VPS13C: variants seen among roughly 807,000 people sequenced by gnomAD.
VPS13C encodes the protein vacuolar protein sorting 13 homolog C, also known as intermembrane lipid transfer protein VPS13C.
Under a neutral mutation model 456.8 loss-of-function variants are expected in VPS13C, and 358 were observed. The ratio of observed to expected loss-of-function variants is 0.78; its 90% CI spans 0.72 to 0.86. The LOEUF is 0.86. VPS13C is among the 40% of genes least tolerant of loss of function. The probability of loss-of-function intolerance (pLI) is 0.00; values close to 1 mark genes in which losing one functional copy is unlikely to be tolerated. For synonymous variants in VPS13C, 1,578 were observed against 1,486.7 expected (o/e 1.06, Z -1.41); for missense variants, 4,818 against 4,385.4 (o/e 1.10, Z -2.79).
chr15:62,025,572 G>A (rs2047609913), intron 6 of VPS13C, among the ~76,000 whole-genome samples: 1 of 152,058 alleles, frequency 6.6e-6, no homozygotes, highest in South Asian at 2.1e-4. Context: ...CTTCTTACCT[G>A]ACCAATTATC....
intron 64 of VPS13C, among the ~76,000 whole-genome samples, chr15:61,909,348 C>G (rs1279814193): frequency 6.6e-6 from 1 of 152,186 alleles, no homozygotes; most frequent in African/African-American, 2.4e-5. Context: ...GCTGGGATTA[C>G]AGGCATGTGC....
At chr15:62,034,892 TAACTC>T in intron 4 of VPS13C, 60 bp downstream of exon 4, 1 of 1,089,042 alleles carries the variant, frequency 9.2e-7, no homozygotes, top group Non-Finnish European at 1.3e-6. Flanking sequence ...TTAAAATACT[TAACTC>T]AGATAACAAT....
chr15:61,990,331 T>A (rs1482278597), intron 18 of VPS13C, among the ~76,000 whole-genome samples: 1 of 152,158 alleles, frequency 6.6e-6, no homozygotes. Flanking sequence ...TTGATAATAA[T>A]TGCACACCTG....
intron 38 of VPS13C, 67 bp downstream of exon 38, chr15:61,954,354 G>T: frequency 6.6e-7 from 1 of 1,514,686 alleles, no homozygotes; most frequent in Non-Finnish European, 8.9e-7. Flanking sequence ...TGTAAGTTTA[G>T]TAGAGGTAAT....
chr15:62,015,960 CAAAAAAAAAA>C (rs67786303), intron 9 of VPS13C, among the ~76,000 whole-genome samples: 5 of 72,408 alleles, frequency 6.9e-5, no homozygotes, highest in African/African-American at 1.5e-4. Context: ...AAAAGAAGTC[CAAAAAAAAAA>C]AAAAAAAAAA....
intron 5 of VPS13C, among the ~76,000 whole-genome samples, chr15:62,031,283 T>C (rs749497990): frequency 6.6e-6 from 1 of 152,072 alleles, no homozygotes; most frequent in Non-Finnish European, 1.5e-5. Flanking sequence ...AGTTGAATCA[T>C]CTCCTCTCCT....
At chr15:62,047,616 G>A (rs377347542) in intron 1 of VPS13C, among the ~76,000 whole-genome samples, 2 of 152,104 alleles carry the variant, frequency 1.3e-5, no homozygotes, top group Admixed American at 1.3e-4. Context: ...CAAAGAATAG[G>A]GGAGGAATAA....
intron 1 of VPS13C, among the ~76,000 whole-genome samples, chr15:62,048,605 T>C (rs531028943): frequency 8.5e-4 from 129 of 152,318 alleles, no homozygotes; most frequent in African/African-American, 2.9e-3. Flanking sequence ...TTATAATCCT[T>C]TGGGTATATA....
chr15:61,865,787 T>C (rs1013558677), intron 81 of VPS13C: 1 of 741,566 alleles, frequency 1.3e-6, no homozygotes, highest in Non-Finnish European at 1.6e-6. Context: ...TGTATGTGTA[T>C]ATATATGTGT....
At chr15:62,048,287 T>C (rs559277633) in intron 1 of VPS13C, among the ~76,000 whole-genome samples, 4 of 116,582 alleles carry the variant, frequency 3.4e-5, no homozygotes, top group Non-Finnish European at 6.5e-5. Flanking sequence ...TGTGTGATGA[T>C]GTTCCCCTTC....
At chr15:61,861,016 C>T (rs1894197689) in intron 82 of VPS13C, among the ~76,000 whole-genome samples, 1 of 132,562 alleles carries the variant, frequency 7.5e-6, no homozygotes, top group Middle Eastern at 5.6e-3. Flanking sequence ...AGCTGGAGTG[C>T]AGTGGCACAA....
chr15:61,898,091 T>C (rs928558561), intron 66 of VPS13C, among the ~76,000 whole-genome samples: 5 of 150,758 alleles, frequency 3.3e-5, no homozygotes, highest in East Asian at 3.9e-4. Flanking sequence ...CTATAAGAGC[T>C]CCTGAAGGAA....
intron 77 of VPS13C, among the ~76,000 whole-genome samples, chr15:61,873,943 GATAAAGAAAATGTGATACACAC>G (rs1037214547): frequency 4.2e-5 from 6 of 144,274 alleles, no homozygotes; most frequent in Middle Eastern, 3.4e-3. Flanking sequence ...CGGATGAATG[GATAAAGAAAATGTGATACACAC>G]ACACACACAC....
At position 61,981,404 on chromosome 15, in the gene VPS13C, G is replaced by C. The variant is rs773417467; in HGVS notation, c.2104C>G (p.Pro702Ala). Residue 702 changes from proline to alanine, a missense_variant, in exon 22 of 85, where the codon CCA becomes GCA. Pro to Ala is a conservative substitution (Grantham distance 27). Transcript: ENST00000644861. ...TTTTCATGGTGGAAACCCGTCTGTG[G>C]AACTACTAGATAAGAAGGCTTCAGA... ...INLKPSYLVV[P>A]QTGFHHEKSD... is the part of the protein sequence containing the mutation. 23 of 1,612,498 alleles carry C rather than the reference G, an allele frequency of 1.4e-5. No homozygotes were observed. The highest frequency in any genetic ancestry group is 1.8e-5 in the Non-Finnish European group (21 of 1,179,482).
intron 28 of VPS13C, among the ~76,000 whole-genome samples, chr15:61,968,717 CAG>C (rs1456420861): frequency 1.3e-5 from 2 of 151,328 alleles, no homozygotes; most frequent in Admixed American, 6.6e-5. Flanking sequence ...ATATGACAAT[CAG>C]AGTTTCTGAA....
chr15:61,977,134 T>A lies in VPS13C; in HGVS notation c.2356A>T (p.Ile786Phe), dbSNP rs766971531. The change falls in exon 24 of 85, where the codon ATT (isoleucine) becomes TTT (phenylalanine). Residue 786 changes from isoleucine (I) to phenylalanine (F), a missense_variant. By Grantham distance (21) the Ile-to-Phe change is conservative. Coordinates refer to ENST00000644861, the MANE Select transcript of VPS13C (RefSeq NM_020821.3). ...ATGGCCTTAGCCAACTCAACATGAA[T>A]ATCCATGGGTTGCAATATATGCATA... Reference protein sequence around the residue: ...STMHILQPMDIHVELAKAMVE... With the variant: ...STMHILQPMDFHVELAKAMVE... 7 of 1,599,596 alleles carry A rather than the reference T, an allele frequency of 4.4e-6. No homozygotes were observed. In the South Asian group the frequency reaches 7.9e-5, roughly 18 times the overall value.
chr15:62,037,274 ATATAT>A (rs1436571805), intron 3 of VPS13C, among the ~76,000 whole-genome samples: 1 of 66,692 alleles, frequency 1.5e-5, no homozygotes, highest in African/African-American at 6.3e-5. Flanking sequence ...ATATTATATA[ATATAT>A]TATATATATT....
intron 5 of VPS13C, 115 bp from the exon 6 acceptor site, chr15:62,028,535 G>T: frequency 9.7e-7 from 1 of 1,034,372 alleles, no homozygotes; most frequent in Non-Finnish European, 1.4e-6. Flanking sequence ...CATGTAACAG[G>T]GTAATTAAAA....
At chr15:61,910,525 T>C (rs1160778613) in intron 63 of VPS13C, among the ~76,000 whole-genome samples, 1 of 152,180 alleles carries the variant, frequency 6.6e-6, no homozygotes, top group Non-Finnish European at 1.5e-5. Flanking sequence ...TTAGTCTATA[T>C]GTATTTATGG....
Sources: gnomAD v4.1 joint callset for allele counts (sites outside exome capture counted in the v4.1 genomes callset) on GRCh38, gnomAD v4.1.1 for gene constraint, MANE v1.5 for transcripts, NCBI Gene and HGNC (gene_info 2026-07-23, HGNC 2026-07-21) for gene names.